YTHDF3: variants seen among roughly 807,000 people sequenced by gnomAD.
YTHDF3 encodes the protein YTH domain-containing family protein 3.
In YTHDF3, 9 loss-of-function variants were observed where a neutral mutation model predicts 52.5. The observed-to-expected ratio is 0.17, with a 90% CI of 0.10 to 0.30. The LOEUF is 0.30. Ranked by LOEUF, YTHDF3 falls within the 10% of genes least tolerant of loss-of-function variation. The pLI is 1.00. For missense variants in YTHDF3, 534 were observed against 715.0 expected (o/e 0.75, Z 2.89); for synonymous variants, 274 against 243.3 (o/e 1.13, Z -1.18).
chr8:63,172,927 G>A (rs1228225313), intron 2 of YTHDF3: 4 of 782,018 alleles, frequency 5.1e-6, no homozygotes, highest in Non-Finnish European at 1.7e-6. Flanking sequence ...ATTCAAAAAC[G>A]AAAGTCTTTA....
chr8:63,194,892 A>G (rs948141640), intron 4 of YTHDF3, among the ~76,000 whole-genome samples: 2 of 152,196 alleles, frequency 1.3e-5, no homozygotes, highest in Non-Finnish European at 2.9e-5. Context: ...TAGTTACCGT[A>G]TCTTTCTTTC....
chr8:63,211,109 G>A lies in YTHDF3; in HGVS notation c.*1403G>A, dbSNP rs1280384870. 1 of 152,476 alleles carries A rather than the reference G, an allele frequency of 6.6e-6. No homozygotes were observed. Among genetic ancestry groups the A allele is most frequent in the African/African-American group, 2.4e-5 (1 of 41,430 alleles). The allele number at this position is 152,476 out of a possible 1,614,324, so 9.4% of individuals were successfully genotyped here. On this transcript the variant is annotated 3_prime_UTR_variant, in exon 5 of 5. Coordinates refer to ENST00000539294, the MANE Select transcript of YTHDF3 (RefSeq NM_152758.6). ...ATGTTTAGAAATGTTTTCATTTACT[G>A]TGGTCTTTGGTCACTTCAGCTCAAA...
chr8:63,170,329 C>T (rs1807237784), intron 2 of YTHDF3, among the ~76,000 whole-genome samples: 1 of 152,072 alleles, frequency 6.6e-6, no homozygotes, highest in Non-Finnish European at 1.5e-5. Flanking sequence ...CTTTGGTGCC[C>T]TTTAAATTCT....
intron 4 of YTHDF3, among the ~76,000 whole-genome samples, chr8:63,195,879 G>A (rs1441734703): frequency 6.6e-6 from 1 of 151,928 alleles, no homozygotes; most frequent in African/African-American, 2.4e-5. Context: ...TAAGTTCACT[G>A]CAGCCTCGAC....
chr8:63,203,476 T>C (rs1809778953), intron 4 of YTHDF3, among the ~76,000 whole-genome samples: 1 of 152,234 alleles, frequency 6.6e-6, no homozygotes, highest in Non-Finnish European at 1.5e-5. Context: ...TAAAAAACTT[T>C]ATTTTGAAAT....
chr8:63,196,336 A>AGGATCACT (rs1809236332), intron 4 of YTHDF3, among the ~76,000 whole-genome samples: 1 of 151,442 alleles, frequency 6.6e-6, no homozygotes, highest in Non-Finnish European at 1.5e-5. Flanking sequence ...CTGAGGCGGG[A>AGGATCACT]GGATCACTTG....
At chr8:63,176,305 G>A (rs1365267742) in intron 3 of YTHDF3, among the ~76,000 whole-genome samples, 4 of 152,214 alleles carry the variant, frequency 2.6e-5, no homozygotes, top group East Asian at 3.9e-4. Flanking sequence ...TTTTTGAGAC[G>A]GAGTCTCGCT....
At chr8:63,180,449 A>G (rs1201773984) in intron 3 of YTHDF3, among the ~76,000 whole-genome samples, 1 of 143,244 alleles carries the variant, frequency 7.0e-6, no homozygotes, top group East Asian at 2.1e-4. Flanking sequence ...CACTTCCTAG[A>G]TGAGATGGCG....
At chr8:63,184,034 CA>C (rs1356998916) in intron 3 of YTHDF3, among the ~76,000 whole-genome samples, 1 of 151,570 alleles carries the variant, frequency 6.6e-6, no homozygotes, top group African/African-American at 2.4e-5. Context: ...GGAATAATGA[CA>C]AAAAAAACTG....
At chr8:63,169,182 C>T (rs540950619) in intron 1 of YTHDF3, 1 of 1,378,898 alleles carries the variant, frequency 7.3e-7, no homozygotes, top group South Asian at 1.5e-5. Flanking sequence ...ACCGGGCGAG[C>T]TCTGGGAGAC....
chr8:63,187,024 C>T lies in YTHDF3; in HGVS notation c.1013C>T (p.Ala338Val). ...PQQQQGPQPQ[A>V]QPHQVQPQQQ... ...CAGCAACAAGGACCTCAGCCACAGG[C>T]CCAGCCTCACCAAGTGCAGCCTCAA... The change falls in exon 4 of 5, where the codon GCC becomes GTC. Residue 338 changes from alanine (A) to valine (V), a missense_variant. Ala to Val is a moderately conservative substitution (Grantham distance 64). Transcript: ENST00000539294. 1 of 1,613,538 alleles carries T rather than the reference C, an allele frequency of 6.2e-7. No individual in the cohort carries two copies. The highest frequency in any genetic ancestry group is 8.5e-7 in the Non-Finnish European group (1 of 1,179,692).
In YTHDF3 at chr8:63,168,675, G is replaced by T; in HGVS notation, c.-203G>T. On this transcript the variant is annotated 5_prime_UTR_variant, in exon 1 of 5. Coordinates refer to ENST00000539294, the MANE Select transcript of YTHDF3 (RefSeq NM_152758.6). Reference sequence around the variant, plus strand: ...ACCCGAGAAGCAGAGAGCGAGAGGGGGAAGAGGAGCGTGCAAGCGGAAAAG... The same window carrying T: ...ACCCGAGAAGCAGAGAGCGAGAGGGTGAAGAGGAGCGTGCAAGCGGAAAAG... 1 of 917,080 alleles carries T rather than the reference G, an allele frequency of 1.1e-6. No homozygotes were observed. The highest frequency in any genetic ancestry group is 1.6e-5 in the South Asian group (1 of 63,464). The allele number at this position is 917,080 out of a possible 1,614,324, so 56.8% of individuals were successfully genotyped here.
chr8:63,204,902 A>C (rs1394191850), intron 4 of YTHDF3, among the ~76,000 whole-genome samples: 1 of 152,192 alleles, frequency 6.6e-6, no homozygotes, highest in Admixed American at 6.5e-5. Flanking sequence ...CAAGGAAAAT[A>C]AGTCATTTAT....
chr8:63,178,456 A>G (rs1261521474), intron 3 of YTHDF3, among the ~76,000 whole-genome samples: 1 of 152,252 alleles, frequency 6.6e-6, no homozygotes, highest in Non-Finnish European at 1.5e-5. Context: ...TAGTGAACCC[A>G]AATGAATTTT....
intron 2 of YTHDF3, chr8:63,172,708 C>A (rs1467276297): frequency 8.6e-7 from 1 of 1,166,244 alleles, no homozygotes; most frequent in East Asian, 3.2e-5. Context: ...GTAGTCAGGA[C>A]CAGAGCAAAG....
At position 63,187,235 on chromosome 8, in the gene YTHDF3, C is replaced by T. The variant is rs778574822; in HGVS notation, c.1224C>T (p.Asp408=). Residue 408 remains aspartate (D), a synonymous_variant, in exon 4 of 5, where the codon GAC becomes GAT. Coordinates refer to ENST00000539294, the MANE Select transcript of YTHDF3 (RefSeq NM_152758.6). ...LKAINNYNPK[D]FDWNLKNGRV... ...CCATAAACAACTATAATCCCAAAGA[C>T]TTTGATTGGAATCTGAAGAATGGAC... 1.9e-5 allele frequency: 30 copies of T among 1,613,906 alleles called. No homozygotes were observed. Among genetic ancestry groups the T allele is most frequent in the Non-Finnish European group, 2.5e-5 (29 of 1,179,904 alleles).
Position 63,210,519 on chromosome 8 carries a change from C to A in YTHDF3, c.*813C>A, listed in dbSNP as rs952200101. 2.6e-5 allele frequency: 4 copies of A among 152,548 alleles called. No homozygotes were observed. Among genetic ancestry groups the A allele is most frequent in the African/African-American group, 9.7e-5 (4 of 41,434 alleles). 9.4% of individuals were successfully genotyped at this position (152,548 alleles called of 1,614,324 possible). A position where few individuals can be genotyped will look rare whatever the true frequency, so the allele number is the denominator to read the frequency against. On this transcript the variant is annotated 3_prime_UTR_variant, in exon 5 of 5. Coordinates refer to ENST00000539294, the MANE Select transcript of YTHDF3 (RefSeq NM_152758.6). The stretch of plus-strand genomic sequence containing the variant: ...ATCAGACTTTTTATGACCTTTATAA[C>A]TACATTTAAAACCCTTAATTCCTAT...
chr8:63,204,938 G>A (rs946019142), intron 4 of YTHDF3, among the ~76,000 whole-genome samples: 77 of 152,118 alleles, frequency 5.1e-4, no homozygotes, highest in Admixed American at 2.0e-4. Flanking sequence ...AAGGGCATGC[G>A]GTAGGCTCCT....
intron 3 of YTHDF3, among the ~76,000 whole-genome samples, chr8:63,183,254 T>C (rs1808271739): frequency 6.6e-6 from 1 of 152,148 alleles, no homozygotes; most frequent in Non-Finnish European, 1.5e-5. Flanking sequence ...AACCACGGTG[T>C]CCAGCCCAGT....
Sources: allele counts gnomAD v4.1 joint callset (sites outside exome capture counted in the v4.1 genomes callset), GRCh38; gene constraint gnomAD v4.1.1; transcripts MANE v1.5; gene names NCBI Gene and HGNC (gene_info 2026-07-23, HGNC 2026-07-21).